Variants in B9D1 observed in about 807,000 individuals in gnomAD.
The protein encoded by B9D1 is B9 domain containing 1.
Under a neutral mutation model 26.1 loss-of-function variants are expected in B9D1, and 20 were observed. The observed-to-expected ratio is 0.77, with a 90% CI of 0.54 to 1.12. The LOEUF (loss-of-function observed/expected upper bound fraction) is 1.12, where lower values mean the gene tolerates loss of function less well. Ranked by LOEUF, B9D1 falls within the 50% of genes most tolerant of loss-of-function variation. The probability of loss-of-function intolerance (pLI) is 0.00; values close to 1 mark genes in which losing one functional copy is unlikely to be tolerated. For missense variants in B9D1, 260 were observed against 273.7 expected (o/e 0.95, Z 0.35); for synonymous variants, 105 against 103.1 (o/e 1.02, Z -0.11).
intron 2 of B9D1, among the ~76,000 whole-genome samples, 199 bp from the exon 3 acceptor site, chr17:19,358,150 C>T (rs1036924929): frequency 3.3e-5 from 5 of 152,086 alleles, no homozygotes; most frequent in Non-Finnish European, 7.4e-5. Context: ...AGCTTGACAA[C>T]CCTGGGAGGC....
rs1909087022 is a variant in B9D1 at position 19,347,997 on chromosome 17, T to C, written c.245-117A>G. The stretch of plus-strand genomic sequence containing the variant: ...AAGGATGGAGCTCAAAACTCTGGGG[T>C]GGCAGGCTTGAGAGGGGACAGGAGC... On this transcript the variant is annotated intron_variant, in intron 3 of 6. Transcript: ENST00000261499. This position sits in a 1 kb window ranked among gnomAD's most constrained non-coding sequence, Gnocchi z 4.3. 1.1e-6 allele frequency: 1 copy of C among 875,662 alleles called. No individual in the cohort carries two copies. The highest frequency in any genetic ancestry group is 2.0e-5 in the Admixed American group (1 of 50,238). 54.2% of individuals were successfully genotyped at this position (875,662 alleles called of 1,614,324 possible). A position where few individuals can be genotyped will look rare whatever the true frequency, so the allele number is the denominator to read the frequency against.
At chr17:19,358,933 C>CT (rs1567902083) in intron 2 of B9D1, among the ~76,000 whole-genome samples, 1 of 152,236 alleles carries the variant, frequency 6.6e-6, no homozygotes, top group East Asian at 1.9e-4. Flanking sequence ...GTTCTTCTCA[C>CT]TGAAAGGCAG....
intron 3 of B9D1, among the ~76,000 whole-genome samples, chr17:19,352,544 G>A (rs568513117): frequency 3.9e-5 from 5 of 127,904 alleles, no homozygotes; most frequent in East Asian, 2.8e-4. Context: ...TTTTTGAGAC[G>A]GAGTTTCGCT....
chr17:19,362,103 C>G (rs1911156201), intron 1 of B9D1, among the ~76,000 whole-genome samples: 1 of 152,186 alleles, frequency 6.6e-6, no homozygotes, highest in Admixed American at 6.5e-5. Flanking sequence ...AACCCGAGTT[C>G]AAGGATCTGG....
downstream of B9D1, among the ~76,000 whole-genome samples, chr17:19,340,273 C>A (rs533649496): frequency 2.2e-4 from 33 of 152,044 alleles, no homozygotes; most frequent in Admixed American, 8.5e-4. Flanking sequence ...CGGGTTCAAG[C>A]GATTCTCCTG....
Position 19,345,124 on chromosome 17 carries a change from G to A in B9D1, c.405-1267C>T, listed in dbSNP as rs3785772. 6.5e-3 allele frequency among the ~76,000 whole-genome samples: 987 copies of A among 152,304 alleles called. 54 individuals carry two copies. In the East Asian group the frequency reaches 0.12, roughly 18 times the overall value. ...GGTCTGCTTAGCTGGCTGGGGTTGGGGAGACAAGACAGGCTGTTCTGGGAG... is the reference window on the plus strand; with the variant it reads ...GGTCTGCTTAGCTGGCTGGGGTTGGAGAGACAAGACAGGCTGTTCTGGGAG... On this transcript the variant is annotated intron_variant, in intron 5 of 6. Transcript: ENST00000261499.
downstream of B9D1, chr17:19,335,278 T>C (rs1451934979): frequency 9.7e-6 from 9 of 924,266 alleles, no homozygotes; most frequent in Non-Finnish European, 1.4e-5. Context: ...TTTCAGCCTT[T>C]TTGGCTAGAT....
chr17:19,361,353 G>A (rs148663168), intron 1 of B9D1, among the ~76,000 whole-genome samples: 1 of 152,274 alleles, frequency 6.6e-6, no homozygotes, highest in East Asian at 1.9e-4. Context: ...AAAGGTTGAG[G>A]ACCACTGGTG....
chr17:19,377,841 C>G, intron 1 of B9D1: 1 of 985,406 alleles, frequency 1.0e-6, no homozygotes, highest in Non-Finnish European at 1.2e-6. Flanking sequence ...GACAGACAAA[C>G]GAGCGGAGGG....
At chr17:19,337,792 C>G, downstream of B9D1, 2 of 1,442,930 alleles carry the variant, frequency 1.4e-6, no homozygotes, top group Non-Finnish European at 1.9e-6. Flanking sequence ...AGATTTCTTA[C>G]AGCCAGGCCT....
chr17:19,337,442 T>G (rs1598034363), downstream of B9D1: 1 of 377,482 alleles, frequency 2.6e-6, no homozygotes, highest in Non-Finnish European at 4.9e-6. Flanking sequence ...TGGAGGGAGG[T>G]CTGGGACTGC....
Position 19,362,715 on chromosome 17 carries a change from G to A in B9D1, c.-146C>T, listed in dbSNP as rs1270391630. The A allele has an allele frequency of 6.5e-7, 1 of 1,528,494 alleles. No individual in the cohort carries two copies. The highest frequency in any genetic ancestry group is 8.8e-7 in the Non-Finnish European group (1 of 1,140,920). 94.7% of individuals were successfully genotyped at this position (1,528,494 alleles called of 1,614,324 possible). A position where few individuals can be genotyped will look rare whatever the true frequency, so the allele number is the denominator to read the frequency against. ...TCGCGAAGGCCACGCGAGTGCGCGTGTGGCATGCGCAGGCGCAGTGAACGG... is the reference window on the plus strand; with the variant it reads ...TCGCGAAGGCCACGCGAGTGCGCGTATGGCATGCGCAGGCGCAGTGAACGG... On this transcript the variant is annotated 5_prime_UTR_variant, in exon 1 of 7. Coordinates refer to ENST00000261499, the MANE Select transcript of B9D1 (RefSeq NM_015681.6).
rs529182605 is a variant in B9D1 at position 19,362,648 on chromosome 17, G to A, written c.-79C>T. 1 of 1,554,582 alleles carries A rather than the reference G, an allele frequency of 6.4e-7. No homozygotes were observed. Among genetic ancestry groups the A allele is most frequent in the East Asian group, 2.4e-5 (1 of 42,068 alleles). ...AGACGCCGGCGTTGCCCTAGAAACAGACGGCGTAGCGCGCAGGACACGTTT... is the reference window on the plus strand; with the variant it reads ...AGACGCCGGCGTTGCCCTAGAAACAAACGGCGTAGCGCGCAGGACACGTTT... On this transcript the variant is annotated 5_prime_UTR_variant, in exon 1 of 7. Coordinates refer to ENST00000261499, the MANE Select transcript of B9D1 (RefSeq NM_015681.6).
intron 2 of B9D1, among the ~76,000 whole-genome samples, chr17:19,358,564 C>T (rs1461961865): frequency 1.3e-5 from 2 of 152,206 alleles, no homozygotes; most frequent in Non-Finnish European, 2.9e-5. Flanking sequence ...TCTCTATCCT[C>T]GTGTTACTTG....
intron 6 of B9D1, 105 bp downstream of exon 6, chr17:19,343,685 T>C (rs2152253102): frequency 6.2e-7 from 1 of 1,611,224 alleles, no homozygotes; most frequent in Middle Eastern, 1.7e-4. Flanking sequence ...GGCTAGCTCC[T>C]ATGTGCCTGG....
chr17:19,374,694 TGCAGCTGTAAA>T (rs1269162114), intron 1 of B9D1, among the ~76,000 whole-genome samples: 1 of 152,222 alleles, frequency 6.6e-6, no homozygotes, highest in East Asian at 1.9e-4. Flanking sequence ...AGGAATATCA[TGCAGCTGTAAA>T]AATGAGTGCT....
upstream of B9D1, among the ~76,000 whole-genome samples, chr17:19,366,514 T>C (rs1011498765): frequency 2.0e-5 from 3 of 152,266 alleles, no homozygotes; most frequent in Middle Eastern, 3.4e-3. Context: ...CTCCTCACAG[T>C]GACCCCCCAG....
intron 3 of B9D1, among the ~76,000 whole-genome samples, chr17:19,353,207 C>A (rs12943272): frequency 6.6e-6 from 1 of 151,558 alleles, no homozygotes; most frequent in African/African-American, 2.4e-5. Flanking sequence ...AACTCCTGAC[C>A]TCGTGATCCA....
intron 6 of B9D1, 72 bp from the exon 7 acceptor site, chr17:19,343,533 C>G: frequency 6.2e-7 from 1 of 1,605,914 alleles, no homozygotes; most frequent in Non-Finnish European, 8.5e-7. Flanking sequence ...CTGGGAATCT[C>G]AGCCTCAGCG....
Sources: gnomAD v4.1 joint callset for allele counts (sites outside exome capture counted in the v4.1 genomes callset) on GRCh38, gnomAD v4.1.1 for gene constraint, Gnocchi (gnomAD v3.1) non-coding constraint, MANE v1.5 for transcripts, NCBI Gene and HGNC (gene_info 2026-07-23, HGNC 2026-07-21) for gene names.